Variants in GNB1 observed in about 807,000 individuals in gnomAD.
GNB1 encodes guanine nucleotide-binding protein G(I)/G(S)/G(T) subunit beta-1.
Under a neutral mutation model 42.9 loss-of-function variants are expected in GNB1, and 2 were observed. The ratio of observed to expected loss-of-function variants is 0.05; its 90% CI spans 0.02 to 0.15. GNB1 has a LOEUF of 0.15. GNB1 is among the 10% of genes least tolerant of loss of function. The pLI is 1.00. For missense variants in GNB1, 193 were observed against 462.2 expected (o/e 0.42, Z 5.34); for synonymous variants, 183 against 174.7 (o/e 1.05, Z -0.38).
At chr1:1,841,289 A>T (rs1013695047) in intron 1 of GNB1, among the ~76,000 whole-genome samples, 2 of 152,120 alleles carry the variant, frequency 1.3e-5, no homozygotes, top group African/African-American at 4.8e-5. Context: ...CCCAGGTTCC[A>T]GCGATTTTCC....
chr1:1,810,131 T>C (rs1019014009), intron 5 of GNB1, among the ~76,000 whole-genome samples: 5 of 152,052 alleles, frequency 3.3e-5, no homozygotes, highest in African/African-American at 1.2e-4. Flanking sequence ...GGCTGGAGGA[T>C]CTCGGCTAAC....
At chr1:1,868,162 T>C (rs1011935317) in intron 1 of GNB1, among the ~76,000 whole-genome samples, 5 of 152,130 alleles carry the variant, frequency 3.3e-5, no homozygotes, top group African/African-American at 1.2e-4. Context: ...TTCCTTCATA[T>C]AGTGTGTGTT....
rs141423206 is a variant in GNB1, at chr1:1,810,114, T to C, written c.204-3576A>G. ...TTTTTTGAGATGGAGTCTCGCTCTG[T>C]CACCCAGGCTGGAGGATCTCGGCTA... On this transcript the variant is annotated intron_variant, in intron 5 of 11. Transcript: ENST00000378609. 8.4e-3 allele frequency among the ~76,000 whole-genome samples: 1,278 copies of C among 152,186 alleles called. 22 individuals are homozygous for C. Among genetic ancestry groups the C allele is most frequent in the African/African-American group, 0.03 (1,226 of 41,514 alleles).
chr1:1,834,304 G>T (rs1356696643), intron 2 of GNB1, among the ~76,000 whole-genome samples: 1 of 152,150 alleles, frequency 6.6e-6, no homozygotes, highest in Non-Finnish European at 1.5e-5. Flanking sequence ...AATCCCAGAA[G>T]TGGCTACTGA....
At position 1,826,288 on chromosome 1, in the gene GNB1, A is replaced by T. The variant is rs1281277501; in HGVS notation, c.-46-789T>A. 1.3e-5 allele frequency among the ~76,000 whole-genome samples: 2 copies of T among 151,972 alleles called. 1 individual carries two copies. The highest frequency in any genetic ancestry group is 2.9e-5 in the Non-Finnish European group (2 of 67,968). ...AAAAATTAGCTGGGCATGGTGGCACACGCCTGTAATCCCAACTACTTGGGA... is the reference window on the plus strand; with the variant it reads ...AAAAATTAGCTGGGCATGGTGGCACTCGCCTGTAATCCCAACTACTTGGGA... On this transcript the variant is annotated intron_variant, in intron 2 of 11. Coordinates refer to ENST00000378609, the MANE Select transcript of GNB1 (RefSeq NM_002074.5).
intron 1 of GNB1, among the ~76,000 whole-genome samples, chr1:1,888,234 C>T (rs1450997676): frequency 1.3e-5 from 2 of 152,092 alleles, no homozygotes; most frequent in South Asian, 2.1e-4. Context: ...ACAGTTTCCT[C>T]TATAAGACTC....
intron 1 of GNB1, among the ~76,000 whole-genome samples, chr1:1,857,440 T>C (rs1045263610): frequency 6.6e-6 from 1 of 152,168 alleles, no homozygotes; most frequent in Non-Finnish European, 1.5e-5. Flanking sequence ...AATCATCAAA[T>C]GTCAGCCATG....
chr1:1,875,302 A>G (rs934445428), intron 1 of GNB1, among the ~76,000 whole-genome samples: 1 of 151,438 alleles, frequency 6.6e-6, no homozygotes, highest in South Asian at 2.1e-4. Context: ...AGTGATTCTC[A>G]TGCCTCAGTC....
chr1:1,812,958 CAT>C (rs1039345615), intron 5 of GNB1, among the ~76,000 whole-genome samples: 6 of 151,996 alleles, frequency 3.9e-5, no homozygotes, highest in African/African-American at 1.2e-4. Context: ...GTGAAGGAGA[CAT>C]ATTACTTGGC....
chr1:1,827,203 C>T (rs140090763), intron 2 of GNB1, among the ~76,000 whole-genome samples: 1 of 152,276 alleles, frequency 6.6e-6, no homozygotes, highest in African/African-American at 2.4e-5. Context: ...TCCTAGTGTG[C>T]CTAAAGGAAT....
intron 2 of GNB1, among the ~76,000 whole-genome samples, chr1:1,835,347 AT>A (rs1172545145): frequency 1.3e-5 from 2 of 152,028 alleles, no homozygotes; most frequent in African/African-American, 4.8e-5. Context: ...CTCTGCCTAC[AT>A]TTTTTTGTCT....
chr1:1,866,870 C>T (rs1648970411), intron 1 of GNB1, among the ~76,000 whole-genome samples: 1 of 152,058 alleles, frequency 6.6e-6, no homozygotes, highest in Non-Finnish European at 1.5e-5. Context: ...AGGAGAATGG[C>T]GTCAACCCGG....
At chr1:1,858,183 T>G (rs1570724584) in intron 1 of GNB1, among the ~76,000 whole-genome samples, 1 of 152,308 alleles carries the variant, frequency 6.6e-6, no homozygotes, top group Admixed American at 6.5e-5. Context: ...CACTGCCTTA[T>G]CTGCCTACTA....
intron 1 of GNB1, among the ~76,000 whole-genome samples, chr1:1,852,281 T>C (rs976182362): frequency 1.3e-5 from 2 of 151,986 alleles, no homozygotes; most frequent in Non-Finnish European, 2.9e-5. Context: ...CAGGCTGGAA[T>C]GCAGTGGCGC....
chr1:1,817,595 C>T, intron 4 of GNB1: 1 of 353,120 alleles, frequency 2.8e-6, no homozygotes, highest in Admixed American at 4.2e-5. Context: ...CAATATTTTA[C>T]AACTATTACC....
chr1:1,786,214 T>C lies in GNB1; in HGVS notation c.*849A>G, dbSNP rs974274166. On this transcript the variant is annotated 3_prime_UTR_variant, in exon 12 of 12. Coordinates refer to ENST00000378609, the MANE Select transcript of GNB1 (RefSeq NM_002074.5). ...TTCCTCCTAGTTGGGGGTGGGGTAG[T>C]GTTAGGCTATTATAAACTTCCCTCC... The C allele has an allele frequency of 2.8e-5, 11 of 396,814 alleles. No individual in the cohort carries two copies. The highest frequency in any genetic ancestry group is 4.4e-5 in the Non-Finnish European group (10 of 225,302). The allele number at this position is 396,814 out of a possible 1,614,324, so 24.6% of individuals were successfully genotyped here. A position where few individuals can be genotyped will look rare whatever the true frequency, so the allele number is the denominator to read the frequency against.
chr1:1,864,735 G>A (rs1372698143), intron 1 of GNB1, among the ~76,000 whole-genome samples: 2 of 152,162 alleles, frequency 1.3e-5, no homozygotes, highest in Non-Finnish European at 2.9e-5. Context: ...TCTTCGTTCT[G>A]CAATTTATAA....
intron 1 of GNB1, among the ~76,000 whole-genome samples, chr1:1,869,185 CAAAAAAAAAAAAAA>C (rs71578347): frequency 3.7e-5 from 1 of 26,746 alleles, no homozygotes; most frequent in African/African-American, 1.3e-4. Flanking sequence ...GACACCTTCT[CAAAAAAAAAAAAAA>C]AAAAAAAAAA....
intron 1 of GNB1, among the ~76,000 whole-genome samples, chr1:1,876,896 G>A (rs1372592140): frequency 2.0e-5 from 3 of 152,030 alleles, no homozygotes; most frequent in East Asian, 1.9e-4. Flanking sequence ...TCCAGCACGT[G>A]GATTCAGGTA....
Sources: gnomAD v4.1 joint callset for allele counts (sites outside exome capture counted in the v4.1 genomes callset) on GRCh38, gnomAD v4.1.1 for gene constraint, MANE v1.5 for transcripts, NCBI Gene and HGNC (gene_info 2026-07-23, HGNC 2026-07-21) for gene names.